The following GRIN2B variants were observed in gnomAD, a reference collection of about 807,000 sequenced individuals.
GRIN2B encodes the protein glutamate ionotropic receptor NMDA type subunit 2B, also known as glutamate receptor ionotropic, NMDA 2B.
A neutral mutation model predicts 114.5 loss-of-function variants in GRIN2B; 5 were observed. The ratio of observed to expected loss-of-function variants is 0.04; its 90% confidence interval spans 0.02 to 0.09. The LOEUF is 0.09. Among genes scored for constraint, GRIN2B ranks in the 10% least tolerant of loss-of-function variants. The pLI, the probability that GRIN2B is intolerant of heterozygous loss-of-function variation, is 1.00. For missense variants in GRIN2B, 1,108 were observed against 1,943.5 expected, an observed-to-expected ratio of 0.57 and a Z score of 8.08; for synonymous variants, 787 against 745.1, an observed-to-expected ratio of 1.06 and a Z score of -0.92.
At position 13,560,012 on chromosome 12, in the gene GRIN2B, G is replaced by A. The variant is rs973880493; in HGVS notation, c.*2771C>T. 2 of 152,316 alleles carry A rather than the reference G, an allele frequency of 1.3e-5. No homozygotes were observed. The highest frequency in any genetic ancestry group is 1.3e-4 in the Admixed American group (2 of 15,314). 9.4% of individuals were successfully genotyped at this position (152,316 alleles called of 1,614,324 possible). ...AGAGGAAATATGGTGCCACCAGCCT[G>A]TCTTTGTGTGGAATGTGGTAACCTA... On this transcript the variant is annotated 3_prime_UTR_variant, in exon 14 of 14. Coordinates refer to ENST00000609686, the MANE Select transcript of GRIN2B (RefSeq NM_000834.5).
intron 3 of GRIN2B, among the ~76,000 whole-genome samples, chr12:13,779,725 T>C (rs1864072213): frequency 6.6e-6 from 1 of 152,226 alleles, no homozygotes; most frequent in South Asian, 2.1e-4. Context: ...ATGTGGCTCA[T>C]GGCTACCATA....
chr12:13,667,218 C>T (rs957692387), intron 5 of GRIN2B, among the ~76,000 whole-genome samples: 26 of 152,118 alleles, frequency 1.7e-4, no homozygotes, highest in African/African-American at 6.3e-4. Context: ...TGTGATGTAA[C>T]TACCAAAGAT....
chr12:13,588,969 T>C (rs1033789445), intron 10 of GRIN2B, among the ~76,000 whole-genome samples: 3 of 152,214 alleles, frequency 2.0e-5, no homozygotes, highest in African/African-American at 7.2e-5. Context: ...GAACGAAGTG[T>C]CTGCCTCCCT....
intron 10 of GRIN2B, among the ~76,000 whole-genome samples, chr12:13,596,823 G>T (rs569778387): frequency 8.5e-5 from 13 of 152,344 alleles, no homozygotes; most frequent in African/African-American, 3.1e-4. Context: ...CTCACAGCTG[G>T]ATAATGAGTG....
chr12:13,811,706 C>T (rs993379107), intron 3 of GRIN2B, among the ~76,000 whole-genome samples: 3 of 152,210 alleles, frequency 2.0e-5, no homozygotes, highest in African/African-American at 7.2e-5. Context: ...CTGCATTTCC[C>T]CTCATAAAGT....
intron 4 of GRIN2B, among the ~76,000 whole-genome samples, chr12:13,693,757 C>T (rs549227429): frequency 4.6e-5 from 7 of 152,302 alleles, no homozygotes; most frequent in Non-Finnish European, 7.4e-5. Context: ...TCCCCTTCTC[C>T]GGTGACTCCC....
chr12:13,872,620 C>T (rs1475277004), intron 2 of GRIN2B, among the ~76,000 whole-genome samples: 1 of 152,062 alleles, frequency 6.6e-6, no homozygotes, highest in Non-Finnish European at 1.5e-5. Flanking sequence ...GAGATATTTA[C>T]ATGAATATCT....
At chr12:13,578,738 G>A (rs1244067622) in intron 10 of GRIN2B, among the ~76,000 whole-genome samples, 2 of 152,210 alleles carry the variant, frequency 1.3e-5, no homozygotes, top group Non-Finnish European at 2.9e-5. Flanking sequence ...TGAAAAAGAA[G>A]TGCTAGGAAG....
intron 2 of GRIN2B, among the ~76,000 whole-genome samples, chr12:13,914,441 G>C (rs1409449315): frequency 6.6e-6 from 1 of 152,170 alleles, no homozygotes; most frequent in Non-Finnish European, 1.5e-5. Context: ...TGAGGATGTG[G>C]AGAAATGGGA....
At chr12:13,903,047 A>G (rs1866480564) in intron 2 of GRIN2B, among the ~76,000 whole-genome samples, 1 of 152,074 alleles carries the variant, frequency 6.6e-6, no homozygotes, top group South Asian at 2.1e-4. Flanking sequence ...AAAATTTTAT[A>G]ATGATTTCTT....
chr12:13,855,049 G>GAAAAAAA (rs3082840), intron 3 of GRIN2B, among the ~76,000 whole-genome samples: 3,676 of 87,758 alleles, frequency 0.042, 249 homozygotes, highest in African/African-American at 0.11. Context: ...CATCTCTACT[G>GAAAAAAA]AAAAAAAAAA....
chr12:13,667,603 T>G (rs1445435657), intron 5 of GRIN2B, among the ~76,000 whole-genome samples: 2 of 152,214 alleles, frequency 1.3e-5, no homozygotes, highest in Admixed American at 1.3e-4. Flanking sequence ...GCATGTTATA[T>G]TCTCACAGTG....
Position 13,564,935 on chromosome 12 carries a change from G to T in GRIN2B, c.2599-296C>A, listed in dbSNP as rs1274169604. On this transcript the variant is annotated intron_variant, in intron 13 of 13. Transcript: ENST00000609686. The surrounding 1 kb of genome is among the most constrained non-coding windows in gnomAD (Gnocchi z 4.8). ...CATAAGATATGGCATTTTTGCCTCA[G>T]CTTCACTGTTGACTTACCGTGGTTT... Among the ~76,000 whole-genome samples the T allele has an allele frequency of 6.6e-6, 1 of 152,210 alleles. No individual in the cohort carries two copies. The highest frequency in any genetic ancestry group is 1.5e-5 in the Non-Finnish European group (1 of 68,036).
chr12:13,850,355 T>C (rs1358444582), intron 3 of GRIN2B, among the ~76,000 whole-genome samples: 1 of 152,144 alleles, frequency 6.6e-6, no homozygotes, highest in African/African-American at 2.4e-5. Flanking sequence ...CCCAGGGTTA[T>C]TGAAGAGTTT....
rs1948279669 is a variant in GRIN2B at position 13,541,519 on chromosome 12, C to T, written c.*21264G>A. The T allele has an allele frequency of 6.6e-6, 1 of 152,238 alleles. No individual in the cohort carries two copies. Among genetic ancestry groups the T allele is most frequent in the African/African-American group, 2.4e-5 (1 of 41,456 alleles). 9.4% of individuals were successfully genotyped at this position (152,238 alleles called of 1,614,324 possible). A position where few individuals can be genotyped will look rare whatever the true frequency, so the allele number is the denominator to read the frequency against. ...AAACCATCCCTGGCTTCCTTTGCTT[C>T]CCTCTTCCTTCCTAAATAGAGTTTA... On this transcript the variant is annotated 3_prime_UTR_variant, in exon 14 of 14. Transcript: ENST00000609686.
intron 3 of GRIN2B, among the ~76,000 whole-genome samples, chr12:13,792,401 T>C (rs1864336760): frequency 6.6e-6 from 1 of 152,182 alleles, no homozygotes; most frequent in South Asian, 2.1e-4. Context: ...CCCTTGAAGC[T>C]CTCCCAGCCT....
At chr12:13,658,015 GACCAACA>G (rs1949883267) in intron 5 of GRIN2B, among the ~76,000 whole-genome samples, 2 of 152,112 alleles carry the variant, frequency 1.3e-5, no homozygotes, top group Non-Finnish European at 1.5e-5. Flanking sequence ...AGACCAGCCT[GACCAACA>G]TGGAGACACC....
At chr12:13,709,200 C>T (rs1950392094) in intron 4 of GRIN2B, among the ~76,000 whole-genome samples, 1 of 151,912 alleles carries the variant, frequency 6.6e-6, no homozygotes, top group Non-Finnish European at 1.5e-5. Flanking sequence ...CAAAGTGTCA[C>T]CAAACTGAGT....
rs906184801 is a variant in GRIN2B at position 13,707,300 on chromosome 12, A to T, written c.1011-31441T>A. ...AGATCTCACAGGGGAAAACGCCCAA[A>T]CAAGTAGGTCTCCTGCAACTCTTTA... On this transcript the variant is annotated intron_variant, in intron 4 of 13. Coordinates refer to ENST00000609686, the MANE Select transcript of GRIN2B (RefSeq NM_000834.5). Among the ~76,000 whole-genome samples the T allele has an allele frequency of 5.9e-5, 9 of 152,086 alleles. 1 individual carries two copies. Among genetic ancestry groups the T allele is most frequent in the African/African-American group, 2.2e-4 (9 of 41,428 alleles).
Sources: gnomAD v4.1 joint callset for allele counts (sites outside exome capture counted in the v4.1 genomes callset) on GRCh38, gnomAD v4.1.1 for gene constraint, Gnocchi (gnomAD v3.1) non-coding constraint, MANE v1.5 for transcripts, NCBI Gene and HGNC (gene_info 2026-07-23, HGNC 2026-07-21) for gene names.